Variants in C6orf58 observed in about 807,000 individuals in gnomAD.
C6orf58 encodes chromosome 6 open reading frame 58, also known as protein LEG1 homolog.
C6orf58 carries 30 observed loss-of-function variants against 37.0 expected under a neutral mutation model. The ratio of observed to expected loss-of-function variants is 0.81; its 90% CI spans 0.61 to 1.10. The LOEUF is 1.10. Among genes scored for constraint, C6orf58 ranks in the 50% least tolerant of loss-of-function variants. The pLI is 0.00. For missense variants in C6orf58, 368 were observed against 387.5 expected (o/e 0.95, Z 0.42); for synonymous variants, 143 against 134.1 (o/e 1.07, Z -0.46).
chr6:127,589,628 C>T (rs1206398939), intron 4 of C6orf58, among the ~76,000 whole-genome samples: 2 of 152,038 alleles, frequency 1.3e-5, no homozygotes, highest in African/African-American at 4.8e-5. Flanking sequence ...CAATTATTTA[C>T]AATTTAGATC....
chr6:127,579,041 C>G (rs995650352), intron 2 of C6orf58, among the ~76,000 whole-genome samples: 7 of 152,030 alleles, frequency 4.6e-5, no homozygotes, highest in African/African-American at 9.7e-5. Context: ...GGGGCCAGCT[C>G]TGGTAGTTAG....
intron 4 of C6orf58, among the ~76,000 whole-genome samples, chr6:127,585,363 G>C (rs906416457): frequency 6.6e-6 from 1 of 152,086 alleles, no homozygotes; most frequent in African/African-American, 2.4e-5. Context: ...TAAAATACTT[G>C]ATCAAAATAG....
chr6:127,584,352 CA>C (rs1237205441), intron 4 of C6orf58, among the ~76,000 whole-genome samples: 1 of 152,136 alleles, frequency 6.6e-6, no homozygotes, highest in Non-Finnish European at 1.5e-5. Flanking sequence ...GTCACTCCAC[CA>C]ATATTTTCCT....
chr6:127,585,481 A>G (rs1775097607), intron 4 of C6orf58, among the ~76,000 whole-genome samples: 1 of 152,226 alleles, frequency 6.6e-6, no homozygotes. Context: ...AAAACCTTCG[A>G]TCTTTTATAG....
rs772220920 is a variant in C6orf58 at position 127,580,407 on chromosome 6, A to T, written c.531A>T (p.Ser177=). The change falls in exon 3 of 6, where the codon TCA becomes TCT. Residue 177 remains serine (S), a synonymous_variant. Coordinates refer to ENST00000329722, the MANE Select transcript of C6orf58 (RefSeq NM_001010905.3). ...KFCYDVSSCR[S]SFPETMNKWN... ...GTTATGATGTTTCTAGCTGTCGTTC[A>T]TCCTTCCCTGAGACAATGAACAAGT... 10 of 1,612,888 alleles carry T rather than the reference A, an allele frequency of 6.2e-6. No homozygotes were observed. The highest frequency in any genetic ancestry group is 1.3e-5 in the African/African-American group (1 of 74,862).
chr6:127,581,331 T>C (rs762058594), intron 4 of C6orf58, 49 bp downstream of exon 4: 8 of 821,788 alleles, frequency 9.7e-6, no homozygotes, highest in African/African-American at 9.0e-5. Flanking sequence ...TAAATAATTT[T>C]GGGCATTATT....
intron 4 of C6orf58, 145 bp from the exon 5 acceptor site, chr6:127,589,940 TAA>T (rs1384923945): frequency 1.6e-6 from 1 of 620,068 alleles, no homozygotes; most frequent in Non-Finnish European, 2.8e-6. Context: ...AGGGATGGAA[TAA>T]AGTCATCACA....
chr6:127,582,330 C>G (rs111631122), intron 4 of C6orf58, among the ~76,000 whole-genome samples: 2,691 of 152,164 alleles, frequency 0.018, 94 homozygotes, highest in African/African-American at 0.061. Flanking sequence ...CAGAAGGAAC[C>G]TCAATGAATT....
chr6:127,579,904 C>T (rs1312277807), intron 2 of C6orf58, among the ~76,000 whole-genome samples: 2 of 151,860 alleles, frequency 1.3e-5, no homozygotes, highest in African/African-American at 2.4e-5. Context: ...CACAATAAAA[C>T]CGTAATGAGA....
At chr6:127,579,649 A>G (rs1241469342) in intron 2 of C6orf58, among the ~76,000 whole-genome samples, 1 of 152,082 alleles carries the variant, frequency 6.6e-6, no homozygotes, top group Non-Finnish European at 1.5e-5. Flanking sequence ...AAAATGTCTG[A>G]GTCTGCTGGA....
chr6:127,590,647 T>TA lies in C6orf58; in HGVS notation c.913+333dup, dbSNP rs548925632. 9.9e-4 allele frequency among the ~76,000 whole-genome samples: 146 copies of TA among 147,310 alleles called. 2 individuals carry two copies. The Middle Eastern group carries it at 0.021, about 22-fold the overall frequency. On this transcript the variant is annotated intron_variant, in intron 5 of 5. Transcript: ENST00000329722. ...TCCTTATTTTGCTCATCAGATCATT[T>TA]AAAAAAAAAAACTTTCTACTTTGCT...
chr6:127,580,209 A>G (rs1227660796), intron 2 of C6orf58, 56 bp from the exon 3 acceptor site: 3 of 1,362,754 alleles, frequency 2.2e-6, no homozygotes, highest in Non-Finnish European at 3.1e-6. Context: ...CCTTAAAAAT[A>G]TCCTCTTTGA....
At chr6:127,580,169 G>T (rs1200184918) in intron 2 of C6orf58, 96 bp from the exon 3 acceptor site, 11 of 849,676 alleles carry the variant, frequency 1.3e-5, no homozygotes, top group East Asian at 5.2e-5. Context: ...ATGTTTCTGG[G>T]TCTGTGAATT....
At chr6:127,579,361 G>A (rs1029700311) in intron 2 of C6orf58, among the ~76,000 whole-genome samples, 8 of 151,902 alleles carry the variant, frequency 5.3e-5, no homozygotes, top group Admixed American at 1.3e-4. Flanking sequence ...TTAGAAACAC[G>A]ACCACATTAA....
At chr6:127,586,454 T>A (rs1775107238) in intron 4 of C6orf58, among the ~76,000 whole-genome samples, 1 of 152,146 alleles carries the variant, frequency 6.6e-6, no homozygotes, top group Non-Finnish European at 1.5e-5. Context: ...CTGTGTAAGG[T>A]GCAAATTCCC....
intron 2 of C6orf58, among the ~76,000 whole-genome samples, chr6:127,579,114 A>G (rs1775021166): frequency 6.6e-6 from 1 of 152,110 alleles, no homozygotes; most frequent in Admixed American, 6.6e-5. Context: ...GTGAGACATC[A>G]AGACAAATGA....
intron 4 of C6orf58, among the ~76,000 whole-genome samples, chr6:127,587,114 T>C (rs1207580679): frequency 1.3e-5 from 2 of 152,336 alleles, no homozygotes; most frequent in East Asian, 3.9e-4. Context: ...TTAAATCTTT[T>C]CAACTAGTTC....
chr6:127,586,162 G>A (rs549942545), intron 4 of C6orf58, among the ~76,000 whole-genome samples: 44 of 152,076 alleles, frequency 2.9e-4, no homozygotes, highest in Non-Finnish European at 5.3e-4. Flanking sequence ...CTAGAAGCAC[G>A]TGTTTTCTCA....
intron 5 of C6orf58, among the ~76,000 whole-genome samples, chr6:127,591,158 A>G (rs747238340): frequency 1.3e-5 from 2 of 152,124 alleles, no homozygotes; most frequent in Non-Finnish European, 2.9e-5. Flanking sequence ...AGTCTTCTTC[A>G]TTCTGTGAAA....
Sources: gnomAD v4.1 joint callset for allele counts (sites outside exome capture counted in the v4.1 genomes callset) on GRCh38, gnomAD v4.1.1 for gene constraint, MANE v1.5 for transcripts, NCBI Gene and HGNC (gene_info 2026-07-23, HGNC 2026-07-21) for gene names.